SCHIP1: variants seen among roughly 807,000 people sequenced by gnomAD.
SCHIP1 encodes the protein schwannomin interacting protein 1, also known as schwannomin-interacting protein 1.
In SCHIP1, 8 loss-of-function variants were observed where a neutral mutation model predicts 29.7. That is an observed-to-expected ratio of 0.27 (90% confidence interval 0.16 to 0.49). The LOEUF is 0.49. SCHIP1 is among the 20% of genes least tolerant of loss of function. The pLI is 0.99. For synonymous variants in SCHIP1, 76 were observed against 94.9 expected (o/e 0.80, Z 1.16); for missense variants, 193 against 294.6 (o/e 0.66, Z 2.52).
intron 1 of SCHIP1, among the ~76,000 whole-genome samples, chr3:159,851,057 T>C (rs2109100156): frequency 6.6e-6 from 1 of 152,320 alleles, no homozygotes; most frequent in South Asian, 2.1e-4. Context: ...GAAGATCACC[T>C]GAGCCCAGGA....
chr3:159,643,473 C>G, the SCHIP1 span, among the ~76,000 whole-genome samples: 1 of 152,038 alleles, frequency 6.6e-6, no homozygotes, highest in Admixed American at 6.6e-5. Context: ...TCCTAGAATA[C>G]TCACATGGCA....
chr3:159,685,363 G>T, the SCHIP1 span, among the ~76,000 whole-genome samples: 4 of 151,934 alleles, frequency 2.6e-5, no homozygotes, highest in Admixed American at 2.0e-4. Context: ...CAGAGTAAAA[G>T]GTTTTTATTT....
chr3:159,404,505 G>C, the SCHIP1 span, among the ~76,000 whole-genome samples: 1 of 152,174 alleles, frequency 6.6e-6, no homozygotes, highest in Non-Finnish European at 1.5e-5. Flanking sequence ...GGAAGTACTT[G>C]TCACAGGTGT....
the SCHIP1 span, among the ~76,000 whole-genome samples, chr3:159,619,340 C>A: frequency 1.3e-5 from 2 of 152,168 alleles, no homozygotes; most frequent in Non-Finnish European, 2.9e-5. Context: ...TCTCACCAAC[C>A]CTGTGCTTTC....
At chr3:159,478,079 C>T in the SCHIP1 span, among the ~76,000 whole-genome samples, 5 of 151,826 alleles carry the variant, frequency 3.3e-5, no homozygotes, top group East Asian at 1.9e-4. Context: ...CACACCACCA[C>T]GTGCAGCTAA....
At chr3:159,393,725 T>G in the SCHIP1 span, among the ~76,000 whole-genome samples, 1 of 150,944 alleles carries the variant, frequency 6.6e-6, no homozygotes, top group South Asian at 2.1e-4. Context: ...AGCCTTGTAG[T>G]ATAGTTTGAA....
At chr3:159,893,911 A>T (rs1560100185) in intron 6 of SCHIP1, 1 of 152,168 alleles carries the variant, frequency 6.6e-6, no homozygotes, top group Non-Finnish European at 1.5e-5. Flanking sequence ...GGACCTGAGG[A>T]TACTTAAACA....
chr3:159,330,065 G>A, the SCHIP1 span, among the ~76,000 whole-genome samples: 1 of 152,108 alleles, frequency 6.6e-6, no homozygotes, highest in Non-Finnish European at 1.5e-5. Context: ...GAATTAAGAA[G>A]GACACTAGGA....
the SCHIP1 span, among the ~76,000 whole-genome samples, chr3:159,482,879 T>C: frequency 1.3e-5 from 2 of 152,084 alleles, no homozygotes; most frequent in Non-Finnish European, 2.9e-5. Context: ...TTTCATTGAA[T>C]AACAAATGTC....
At chr3:159,344,580 G>T in the SCHIP1 span, among the ~76,000 whole-genome samples, 1 of 152,142 alleles carries the variant, frequency 6.6e-6, no homozygotes, top group African/African-American at 2.4e-5. Context: ...ACACATCCCA[G>T]TTGAGAGACA....
the SCHIP1 span, among the ~76,000 whole-genome samples, chr3:159,825,891 G>A: frequency 3.3e-5 from 5 of 152,328 alleles, no homozygotes; most frequent in Admixed American, 1.3e-4. Context: ...AGGGCTTACA[G>A]GTTGAGAAAC....
At chr3:159,561,569 C>A in the SCHIP1 span, among the ~76,000 whole-genome samples, 2 of 152,028 alleles carry the variant, frequency 1.3e-5, no homozygotes, top group Admixed American at 6.6e-5. Flanking sequence ...AATTATTGTA[C>A]ATGAAATTGT....
At chr3:159,453,178 T>C in the SCHIP1 span, among the ~76,000 whole-genome samples, 5 of 152,214 alleles carry the variant, frequency 3.3e-5, no homozygotes, top group South Asian at 2.1e-4. Context: ...AGCTGGAGAC[T>C]GCACGGGACA....
At chr3:159,764,342 G>A in the SCHIP1 span, 12,036 of 1,393,064 alleles carry the variant, frequency 8.6e-3, 891 homozygotes, top group African/African-American at 0.15. This position sits in a 1 kb window ranked among gnomAD's most constrained non-coding sequence, Gnocchi z 6.1. Context: ...CTGACCCAGC[G>A]GGCGCAGGGT....
the SCHIP1 span, among the ~76,000 whole-genome samples, chr3:159,396,978 C>G: frequency 7.0e-6 from 1 of 142,940 alleles, no homozygotes; most frequent in Non-Finnish European, 1.6e-5. Flanking sequence ...TAGATTTGGT[C>G]TTTTCACATA....
the SCHIP1 span, among the ~76,000 whole-genome samples, chr3:159,749,688 G>C: frequency 3.9e-5 from 6 of 152,292 alleles, no homozygotes; most frequent in East Asian, 1.2e-3. Flanking sequence ...AGTCATAGAG[G>C]CTCCGCAGCT....
chr3:159,310,888 G>T, the SCHIP1 span, among the ~76,000 whole-genome samples: 1 of 152,100 alleles, frequency 6.6e-6, no homozygotes, highest in African/African-American at 2.4e-5. Flanking sequence ...AAATTGATAA[G>T]ATTTGCATGC....
chr3:159,424,422 C>G, the SCHIP1 span, among the ~76,000 whole-genome samples: 3 of 152,070 alleles, frequency 2.0e-5, no homozygotes, highest in African/African-American at 7.2e-5. Context: ...ATGTGATCAA[C>G]TGGATATCAG....
At chr3:159,423,912 T>C in the SCHIP1 span, among the ~76,000 whole-genome samples, 2 of 152,118 alleles carry the variant, frequency 1.3e-5, no homozygotes, top group Admixed American at 6.5e-5. Context: ...GAAAAACCGC[T>C]GTTCTGCAAA....
Sources: gnomAD v4.1 joint callset for allele counts (sites outside exome capture counted in the v4.1 genomes callset) on GRCh38, gnomAD v4.1.1 for gene constraint, Gnocchi (gnomAD v3.1) non-coding constraint, MANE v1.5 for transcripts, NCBI Gene and HGNC (gene_info 2026-07-23, HGNC 2026-07-21) for gene names.